SLC6A3: variants seen among roughly 807,000 people sequenced by gnomAD.
SLC6A3 encodes the protein solute carrier family 6 member 3.
SLC6A3 carries 19 observed loss-of-function variants against 70.4 expected under a neutral mutation model. That is an observed-to-expected ratio of 0.27 (90% CI 0.19 to 0.40). SLC6A3 has a LOEUF of 0.40. Ranked by LOEUF, SLC6A3 falls within the 10% of genes least tolerant of loss-of-function variation. SLC6A3 has a pLI of 1.00. For synonymous variants in SLC6A3, 368 were observed against 356.6 expected, an observed-to-expected ratio of 1.03 and a Z score of -0.36; for missense variants, 613 against 838.5, an observed-to-expected ratio of 0.73 and a Z score of 3.32.
intron 10 of SLC6A3, 90 bp downstream of exon 10, chr5:1,409,631 T>C: frequency 1.3e-6 from 2 of 1,498,430 alleles, no homozygotes; most frequent in Non-Finnish European, 1.8e-6. Flanking sequence ...GCTGCGGTTC[T>C]GTCTGGCCTG....
Position 1,394,516 on chromosome 5 carries a change from G to C in SLC6A3, c.*219C>G, listed in dbSNP as rs1755664622. 3.0e-6 allele frequency: 2 copies of C among 657,608 alleles called. No individual in the cohort carries two copies. Among genetic ancestry groups the C allele is most frequent in the Admixed American group, 4.3e-5 (2 of 46,286 alleles). 40.7% of individuals were successfully genotyped at this position (657,608 alleles called of 1,614,324 possible). On this transcript the variant is annotated 3_prime_UTR_variant, in exon 15 of 15. Transcript: ENST00000270349. This position sits in a 1 kb window ranked among gnomAD's most constrained non-coding sequence, Gnocchi z 4.7. ...GGTGGACCTCGCTGCACAGATCTAC[G>C]TCGTTATTACAGCAACACAAGACAC...
chr5:1,400,944 C>T lies in SLC6A3; in HGVS notation c.1810G>A (p.Val604Met), dbSNP rs772229536. 1.3e-6 allele frequency: 2 copies of T among 1,596,470 alleles called. No individual in the cohort carries two copies. Among genetic ancestry groups the T allele is most frequent in the Non-Finnish European group, 1.7e-6 (2 of 1,169,594 alleles). ...AIAPEKDREL[V>M]DRGEVRQFTL... ...AACTGGCGCACCTCCCCTCTGTCCA[C>T]CAGCTCACGGTCCTTCTCGGGTGCA... The change falls in exon 14 of 15, where the codon GTG becomes ATG. Residue 604 changes from valine to methionine, a missense_variant. Transcript: ENST00000270349.
rs1756733445 is a variant in SLC6A3 at position 1,432,691 on chromosome 5, G to A, written c.426C>T (p.Gly142=). ...ACAGTGAGATGAGGATGACCGTGAAGCCCACACCTAGCGGGAAGGGGGAGG... is the reference window on the plus strand; with the variant it reads ...ACAGTGAGATGAGGATGACCGTGAAACCCACACCTAGCGGGAAGGGGGAGG... ...WKICPILKGV[G]FTVILISLYV... The change falls in exon 4 of 15, where the codon GGC becomes GGT. Residue 142 remains glycine (G), a synonymous_variant. Transcript: ENST00000270349. The A allele has an allele frequency of 1.2e-6, 2 of 1,613,526 alleles. No individual in the cohort carries two copies. The highest frequency in any genetic ancestry group is 2.2e-5 in the South Asian group (2 of 91,064).
intron 9 of SLC6A3, among the ~76,000 whole-genome samples, 190 bp from the exon 10 acceptor site, chr5:1,410,039 A>G (rs1175427276): frequency 6.6e-6 from 1 of 152,190 alleles, no homozygotes; most frequent in Non-Finnish European, 1.5e-5. Flanking sequence ...TGGCGGCACG[A>G]CCGCAGGAGA....
In SLC6A3 at chr5:1,429,373, C is replaced by T. The variant is rs754252121; in HGVS notation, c.653+3091G>A. Among the ~76,000 whole-genome samples, 8 of 152,214 alleles carry T rather than the reference C, an allele frequency of 5.3e-5. No homozygotes were observed. The East Asian group carries it at 5.8e-4, about 11-fold the overall frequency. On this transcript the variant is annotated intron_variant, in intron 4 of 14. Transcript: ENST00000270349. ...CTCCCCACGTCTGCTCTTGAGCTGC[C>T]GCCAGCTAAAGTGTACCACGTGCCA...
intron 1 of SLC6A3, among the ~76,000 whole-genome samples, chr5:1,443,958 A>G (rs1733741309): frequency 6.6e-6 from 1 of 152,136 alleles, no homozygotes; most frequent in Non-Finnish European, 1.5e-5. Context: ...TCAGCCTCCC[A>G]AAGTGCTGAG....
chr5:1,435,367 A>G (rs1391094851), intron 3 of SLC6A3, among the ~76,000 whole-genome samples: 1 of 152,252 alleles, frequency 6.6e-6, no homozygotes, highest in Non-Finnish European at 1.5e-5. Context: ...AACTTTCTGT[A>G]TCAAGTCCTT....
chr5:1,433,169 C>G (rs1208406959), intron 3 of SLC6A3, among the ~76,000 whole-genome samples: 1 of 152,120 alleles, frequency 6.6e-6, no homozygotes, highest in Admixed American at 6.5e-5. Context: ...CAGGGCAACC[C>G]AACTCATGGT....
chr5:1,417,444 T>C (rs1165005473), intron 6 of SLC6A3, among the ~76,000 whole-genome samples: 1 of 152,222 alleles, frequency 6.6e-6, no homozygotes, highest in Non-Finnish European at 1.5e-5. Flanking sequence ...CTTTGTATCC[T>C]TCCCAAAACA....
At chr5:1,400,396 C>T (rs879735907) in intron 14 of SLC6A3, among the ~76,000 whole-genome samples, 17 of 152,208 alleles carry the variant, frequency 1.1e-4, no homozygotes, top group South Asian at 2.1e-4. Context: ...TGAACATGTT[C>T]GCACACAGCT....
In SLC6A3 at chr5:1,401,514, G is replaced by A. The variant is rs1755850988; in HGVS notation, c.1768-528C>T. 6.6e-6 allele frequency among the ~76,000 whole-genome samples: 1 copy of A among 152,202 alleles called. No homozygotes were observed. Among genetic ancestry groups the A allele is most frequent in the African/African-American group, 2.4e-5 (1 of 41,464 alleles). On this transcript the variant is annotated intron_variant, in intron 13 of 14. Transcript: ENST00000270349. This position sits in a 1 kb window ranked among gnomAD's most constrained non-coding sequence, Gnocchi z 6.1. ...GACAGCACCAAGTCCTCCCAGAGCA[G>A]GCAGCATCTTCAGGAGCTCACCCTC...
At position 1,437,175 on chromosome 5, in the gene SLC6A3, C is replaced by G. The variant is rs949419603; in HGVS notation, c.418+4184G>C. Among the ~76,000 whole-genome samples the G allele has an allele frequency of 6.6e-6, 1 of 151,478 alleles. No homozygotes were observed. Among genetic ancestry groups the G allele is most frequent in the Non-Finnish European group, 1.5e-5 (1 of 67,876 alleles). On this transcript the variant is annotated intron_variant, in intron 3 of 14. Transcript: ENST00000270349. The surrounding 1 kb of genome is among the most constrained non-coding windows in gnomAD (Gnocchi z 4.8). ...CTGGGGCAGGAGAATCGCTTGAACCCGGGACGCGCAGGTGACAGTGAGCCA... is the reference window on the plus strand; with the variant it reads ...CTGGGGCAGGAGAATCGCTTGAACCGGGGACGCGCAGGTGACAGTGAGCCA...
chr5:1,410,907 T>C (rs1453906097), intron 9 of SLC6A3, among the ~76,000 whole-genome samples: 1 of 151,892 alleles, frequency 6.6e-6, no homozygotes, highest in Non-Finnish European at 1.5e-5. Context: ...TGCATGGTGG[T>C]GTGAATGTGT....
In SLC6A3 at chr5:1,406,223, G is replaced by A; in HGVS notation, c.1564C>T (p.Leu522=). ...CAGGGGCTGACCAGCTTCCAGCACA[G>A]CCGCCAGTACAGGCTGGGCCGCTGC... is the stretch of plus-strand genomic sequence containing the variant. ...TGQRPSLYWR[L]CWKLVSPCFL... Residue 522 remains leucine (L), a synonymous_variant, in exon 12 of 15, where the codon CTG becomes TTG. Coordinates refer to ENST00000270349, the MANE Select transcript of SLC6A3 (RefSeq NM_001044.5). This position sits in a 1 kb window ranked among gnomAD's most constrained non-coding sequence, Gnocchi z 8.8. 1.2e-6 allele frequency: 2 copies of A among 1,612,906 alleles called. No individual in the cohort carries two copies. Among genetic ancestry groups the A allele is most frequent in the Non-Finnish European group, 1.7e-6 (2 of 1,179,928 alleles).
rs1755759038 is a variant in SLC6A3 at position 1,397,857 on chromosome 5, G to A, written c.1839+3058C>T. On this transcript the variant is annotated intron_variant, in intron 14 of 14. Transcript: ENST00000270349. This position sits in a 1 kb window ranked among gnomAD's most constrained non-coding sequence, Gnocchi z 4.7. The stretch of plus-strand genomic sequence containing the variant: ...GCATGCACATTAGTCCAAGGAACAT[G>A]ATGAGTCCGTACAAAATAATAACAG... 6.6e-6 allele frequency among the ~76,000 whole-genome samples: 1 copy of A among 152,194 alleles called. No individual in the cohort carries two copies. The highest frequency in any genetic ancestry group is 1.5e-5 in the Non-Finnish European group (1 of 68,036).
chr5:1,432,516 T>C lies in SLC6A3; in HGVS notation c.601A>G (p.Ser201Gly). The C allele has an allele frequency of 6.2e-7, 1 of 1,614,232 alleles. No individual in the cohort carries two copies. The highest frequency in any genetic ancestry group is 8.5e-7 in the Non-Finnish European group (1 of 1,180,038). The change falls in exon 4 of 15, where the codon AGC (serine) becomes GGC (glycine). Residue 201 changes from serine (S) to glycine (G), a missense_variant. Around this residue, in one of 4 missense-constraint regions of SLC6A3, gnomAD observed 153 missense variants for 249.4 expected, o/e 0.61. Transcript: ENST00000270349. The stretch of plus-strand genomic sequence containing the variant: ...CCAAAAGTGTCGTTGAGGCCCGAGC[T>C]GTCTCCACTGGAGTCACCAGGATGG... ...DAHPGDSSGD[S>G]SGLNDTFGTT...
At chr5:1,398,397 T>C (rs927731319) in intron 14 of SLC6A3, among the ~76,000 whole-genome samples, 1 of 150,586 alleles carries the variant, frequency 6.6e-6, no homozygotes, top group Non-Finnish European at 1.5e-5. Context: ...ATGTAAGTTC[T>C]AAGCAAGTAG....
At chr5:1,410,844 G>T (rs1234564788) in intron 9 of SLC6A3, among the ~76,000 whole-genome samples, 1 of 151,838 alleles carries the variant, frequency 6.6e-6, no homozygotes, top group African/African-American at 2.4e-5. Context: ...GTGTGTTCGT[G>T]TGTGTTCATG....
intron 8 of SLC6A3, among the ~76,000 whole-genome samples, chr5:1,412,201 G>A (rs1756146119): frequency 6.6e-6 from 1 of 152,258 alleles, no homozygotes; most frequent in African/African-American, 2.4e-5. Context: ...CCAATGTGCT[G>A]TGAACCCACA....
Sources: allele counts gnomAD v4.1 joint callset (sites outside exome capture counted in the v4.1 genomes callset), GRCh38; gene constraint gnomAD v4.1.1; regional missense constraint gnomAD v4.1.1; non-coding constraint Gnocchi (gnomAD v3.1); transcripts MANE v1.5; gene names NCBI Gene and HGNC (gene_info 2026-07-23, HGNC 2026-07-21).